The following RUNDC3B variants were observed in gnomAD, a reference collection of about 807,000 sequenced individuals.
The protein encoded by RUNDC3B is RUN domain containing 3B.
Under a neutral mutation model 58.4 loss-of-function variants are expected in RUNDC3B, and 33 were observed. The ratio of observed to expected loss-of-function variants is 0.56; its 90% CI spans 0.43 to 0.75. The LOEUF is 0.75. Ranked by LOEUF, RUNDC3B falls within the 30% of genes least tolerant of loss-of-function variation. RUNDC3B has a pLI of 0.00. For synonymous variants in RUNDC3B, 193 were observed against 195.2 expected, an observed-to-expected ratio of 0.99 and a Z score of 0.10; for missense variants, 501 against 535.7, an observed-to-expected ratio of 0.94 and a Z score of 0.64.
intron 9 of RUNDC3B, among the ~76,000 whole-genome samples, chr7:87,815,100 C>T (rs977157220): frequency 6.6e-6 from 1 of 152,008 alleles, no homozygotes; most frequent in African/African-American, 2.4e-5. Flanking sequence ...CCTTCCTCCC[C>T]ATTTTGAATG....
intron 8 of RUNDC3B, among the ~76,000 whole-genome samples, chr7:87,793,238 A>T (rs973315928): frequency 6.6e-6 from 1 of 152,264 alleles, no homozygotes; most frequent in Admixed American, 6.5e-5. Context: ...CAAGGACCCA[A>T]TGGCTTCACT....
intron 2 of RUNDC3B, among the ~76,000 whole-genome samples, chr7:87,675,454 G>T (rs1468177794): frequency 6.6e-6 from 1 of 152,014 alleles, no homozygotes; most frequent in African/African-American, 2.4e-5. Context: ...TTCAAACTAT[G>T]TTACAATGCT....
chr7:87,654,938 G>T (rs750578951), intron 2 of RUNDC3B, among the ~76,000 whole-genome samples: 22 of 151,940 alleles, frequency 1.4e-4, no homozygotes, highest in Admixed American at 1.2e-3. Flanking sequence ...ATATAAAAAG[G>T]TGCTCAAAAT....
chr7:87,779,144 A>G (rs919261187), intron 8 of RUNDC3B, among the ~76,000 whole-genome samples: 9 of 152,148 alleles, frequency 5.9e-5, no homozygotes, highest in Admixed American at 1.3e-4. Context: ...TCAGTTGTCA[A>G]TTAAAGATAT....
chr7:87,700,858 A>G (rs769886807), intron 3 of RUNDC3B, among the ~76,000 whole-genome samples: 7 of 152,200 alleles, frequency 4.6e-5, no homozygotes, highest in Non-Finnish European at 7.4e-5. Flanking sequence ...TGCACTGCCA[A>G]TGCAGACACA....
At chr7:87,652,318 G>A (rs1823656104) in intron 2 of RUNDC3B, among the ~76,000 whole-genome samples, 1 of 152,024 alleles carries the variant, frequency 6.6e-6, no homozygotes, top group African/African-American at 2.4e-5. Flanking sequence ...ATGCCAAGTG[G>A]TTGGGTAGAC....
intron 3 of RUNDC3B, chr7:87,709,242 A>G: frequency 1.0e-6 from 1 of 985,228 alleles, no homozygotes; most frequent in Non-Finnish European, 1.2e-6. Context: ...GTAACAGCAT[A>G]GTCTCCTGTG....
At chr7:87,692,704 AATGTGGTTTAAAT>A (rs1828126362) in intron 2 of RUNDC3B, among the ~76,000 whole-genome samples, 1 of 152,176 alleles carries the variant, frequency 6.6e-6, no homozygotes, top group African/African-American at 2.4e-5. Context: ...AGAGATAGTA[AATGTGGTTTAAAT>A]ATTAGGAATT....
chr7:87,682,540 A>G (rs1002581744), intron 2 of RUNDC3B, among the ~76,000 whole-genome samples: 4 of 152,220 alleles, frequency 2.6e-5, no homozygotes, highest in Non-Finnish European at 5.9e-5. Flanking sequence ...TGAAAACAAC[A>G]TTAATCTCCT....
chr7:87,752,744 C>T (rs1026145659), intron 6 of RUNDC3B, among the ~76,000 whole-genome samples: 8 of 151,996 alleles, frequency 5.3e-5, no homozygotes, highest in South Asian at 2.1e-4. Flanking sequence ...TTTTTTATTG[C>T]GTCTATTTGA....
At chr7:87,644,429 T>C (rs1025184430) in intron 1 of RUNDC3B, among the ~76,000 whole-genome samples, 3 of 152,252 alleles carry the variant, frequency 2.0e-5, no homozygotes, top group African/African-American at 4.8e-5. Flanking sequence ...TAATAAGGAA[T>C]ATTGTAAATT....
chr7:87,817,502 T>C (rs766036281), intron 10 of RUNDC3B, among the ~76,000 whole-genome samples: 8 of 152,194 alleles, frequency 5.3e-5, no homozygotes, highest in South Asian at 2.1e-4. Context: ...CTTTTCCTTG[T>C]TCTGTGTACC....
intron 2 of RUNDC3B, among the ~76,000 whole-genome samples, chr7:87,697,770 A>G (rs905064811): frequency 3.9e-5 from 6 of 152,168 alleles, no homozygotes; most frequent in African/African-American, 1.4e-4. Context: ...AGTAGGTACT[A>G]TCGTTATTTT....
chr7:87,654,383 CAAAT>C (rs1053022181), intron 2 of RUNDC3B, among the ~76,000 whole-genome samples: 3 of 151,944 alleles, frequency 2.0e-5, no homozygotes, highest in South Asian at 2.1e-4. Flanking sequence ...TAAAAACAGA[CAAAT>C]AAACTAATAG....
intron 8 of RUNDC3B, among the ~76,000 whole-genome samples, chr7:87,788,555 A>G (rs962361102): frequency 3.9e-5 from 6 of 152,128 alleles, no homozygotes; most frequent in African/African-American, 1.4e-4. Flanking sequence ...AGTTGGCTCC[A>G]GTAACTGTTT....
chr7:87,658,654 C>G (rs572202199), intron 2 of RUNDC3B, among the ~76,000 whole-genome samples: 3 of 152,200 alleles, frequency 2.0e-5, no homozygotes, highest in African/African-American at 7.2e-5. Context: ...AACTTGCCTA[C>G]AAGTAAGCAA....
At chr7:87,657,051 A>C (rs540595917) in intron 2 of RUNDC3B, among the ~76,000 whole-genome samples, 1 of 152,104 alleles carries the variant, frequency 6.6e-6, no homozygotes, top group Non-Finnish European at 1.5e-5. Context: ...GATGAACATG[A>C]CATACTTTCC....
At chr7:87,645,374 A>C (rs1822901674) in intron 1 of RUNDC3B, among the ~76,000 whole-genome samples, 1 of 152,056 alleles carries the variant, frequency 6.6e-6, no homozygotes, top group Non-Finnish European at 1.5e-5. Context: ...TTGAGCCACC[A>C]CGCCTGGCCC....
chr7:87,737,137 G>A (rs1289489111), intron 4 of RUNDC3B, among the ~76,000 whole-genome samples: 1 of 151,338 alleles, frequency 6.6e-6, no homozygotes, highest in East Asian at 1.9e-4. Flanking sequence ...GGGCTCAAAT[G>A]ATCTGCCTGT....
Sources: allele counts gnomAD v4.1 joint callset (sites outside exome capture counted in the v4.1 genomes callset), GRCh38; gene constraint gnomAD v4.1.1; transcripts MANE v1.5; gene names NCBI Gene and HGNC (gene_info 2026-07-23, HGNC 2026-07-21).